Variants in MYO18B observed in about 807,000 individuals in gnomAD.
MYO18B encodes myosin XVIIIB.
MYO18B carries 204 observed loss-of-function variants against 273.0 expected under a neutral mutation model. The observed-to-expected ratio is 0.75, with a 90% CI of 0.67 to 0.84. The LOEUF is 0.84. Among genes scored for constraint, MYO18B ranks in the 40% least tolerant of loss-of-function variants. The probability of loss-of-function intolerance (pLI) is 0.00; values close to 1 mark genes in which losing one functional copy is unlikely to be tolerated. For missense variants in MYO18B, 3,212 were observed against 3,287.6 expected (o/e 0.98, Z 0.56); for synonymous variants, 1,330 against 1,305.7 (o/e 1.02, Z -0.40).
chr22:25,787,846 G>A (rs1342799260), intron 11 of MYO18B, among the ~76,000 whole-genome samples: 3 of 152,140 alleles, frequency 2.0e-5, no homozygotes, highest in Non-Finnish European at 4.4e-5. Context: ...TTGAAGGCAA[G>A]AGATGAGAAA....
rs542822754 is a variant in MYO18B at position 25,847,307 on chromosome 22, G to A, written c.3553-123G>A. ...ATCAGGCTGTAGGTGGGAGCTCCTT[G>A]GTGTGGGACATAGGGGCCCCAAAGA... On this transcript the variant is annotated intron_variant, in intron 19 of 43. Coordinates refer to ENST00000335473, the MANE Select transcript of MYO18B (RefSeq NM_032608.7). The A allele has an allele frequency of 4.6e-5, 32 of 700,304 alleles. No individual in the cohort carries two copies. The African/African-American group carries it at 5.0e-4, about 11-fold the overall frequency. 43.4% of individuals were successfully genotyped at this position (700,304 alleles called of 1,614,324 possible).
chr22:26,040,568 G>T, the MYO18B span, among the ~76,000 whole-genome samples: 1 of 152,236 alleles, frequency 6.6e-6, no homozygotes, highest in Non-Finnish European at 1.5e-5. Context: ...GAAGGGACTA[G>T]AAGGCATTGG....
At chr22:25,975,346 C>T (rs1054051951) in intron 39 of MYO18B, among the ~76,000 whole-genome samples, 5 of 152,210 alleles carry the variant, frequency 3.3e-5, no homozygotes, top group African/African-American at 1.2e-4. Context: ...GAGGTAGCTT[C>T]AACGTCTTTA....
At chr22:25,776,597 CAAAACAAAAAACA>C (rs937815727) in intron 7 of MYO18B, among the ~76,000 whole-genome samples, 1 of 151,450 alleles carries the variant, frequency 6.6e-6, no homozygotes, top group Admixed American at 6.6e-5. Flanking sequence ...AACTCTGTCT[CAAAACAAAAAACA>C]AAAACAAAAA....
chr22:25,950,512 A>G, intron 37 of MYO18B, 62 bp downstream of exon 37: 1 of 486,492 alleles, frequency 2.1e-6, no homozygotes, highest in Non-Finnish European at 3.4e-6. Flanking sequence ...GGACAGAACT[A>G]ATAGGATGTG....
chr22:25,960,428 C>G (rs1306610950), intron 39 of MYO18B, among the ~76,000 whole-genome samples: 4 of 152,150 alleles, frequency 2.6e-5, no homozygotes, highest in Non-Finnish European at 5.9e-5. Context: ...CCAGGTGCAC[C>G]TATTTCAGAG....
chr22:25,914,652 A>G lies in MYO18B; in HGVS notation c.5364+3602A>G, dbSNP rs550255658. Among the ~76,000 whole-genome samples, 17 of 117,532 alleles carry G rather than the reference A, an allele frequency of 1.4e-4. 1 individual carries two copies. The South Asian group carries it at 4.6e-3, about 32-fold the overall frequency. The allele number at this position is 117,532 out of a possible 152,430, so 77.1% of individuals were successfully genotyped here. A position where few individuals can be genotyped will look rare whatever the true frequency, so the allele number is the denominator to read the frequency against. Reference sequence around the variant, plus strand: ...CTTTTTTGTATTTTCTGCCTTGACAATCTTATCATTTGAAAATAAGAATAG... The same window carrying G: ...CTTTTTTGTATTTTCTGCCTTGACAGTCTTATCATTTGAAAATAAGAATAG... On this transcript the variant is annotated intron_variant, in intron 33 of 43. Transcript: ENST00000335473.
At chr22:25,803,111 G>A (rs1228613319) in intron 12 of MYO18B, among the ~76,000 whole-genome samples, 2 of 151,872 alleles carry the variant, frequency 1.3e-5, no homozygotes, top group Non-Finnish European at 2.9e-5. Context: ...ACAGGCATGT[G>A]CCACCACACC....
intron 39 of MYO18B, among the ~76,000 whole-genome samples, chr22:25,989,282 C>A (rs1345569609): frequency 2.6e-5 from 4 of 152,148 alleles, no homozygotes; most frequent in Non-Finnish European, 2.9e-5. Context: ...TCAGACAGGT[C>A]ATTTGGTTAG....
rs565221932 is a variant in MYO18B, at chr22:25,992,429, C to T, written c.6223C>T (p.Arg2075Trp). 5.2e-5 allele frequency: 84 copies of T among 1,614,006 alleles called. No homozygotes were observed. The highest frequency in any genetic ancestry group is 3.3e-4 in the Middle Eastern group (2 of 6,062). ...TLQTDLETSIRRIADLQAALE... is the reference protein window; with the variant it reads ...TLQTDLETSIWRIADLQAALE... The stretch of plus-strand genomic sequence containing the variant: ...CCAGACAGACCTGGAGACATCCATT[C>T]GGCGGATTGCCGACCTGCAGGCTGC... The change falls in exon 40 of 44, where the codon CGG (arginine) becomes TGG (tryptophan). Residue 2075 changes from arginine (R) to tryptophan (W), a missense_variant. Transcript: ENST00000335473.
At chr22:25,838,166 T>TATATAA (rs2089964050) in intron 17 of MYO18B, among the ~76,000 whole-genome samples, 1 of 150,740 alleles carries the variant, frequency 6.6e-6, no homozygotes, top group African/African-American at 2.4e-5. Context: ...CACAAATATA[T>TATATAA]ATATAAATAT....
intron 15 of MYO18B, among the ~76,000 whole-genome samples, chr22:25,831,626 G>A (rs962191016): frequency 3.9e-5 from 6 of 152,094 alleles, no homozygotes; most frequent in East Asian, 3.9e-4. Flanking sequence ...CAGGTGATCC[G>A]CCTGCCTCGG....
intron 2 of MYO18B, among the ~76,000 whole-genome samples, chr22:25,762,432 A>G (rs1295729557): frequency 6.6e-6 from 1 of 152,178 alleles, no homozygotes; most frequent in Non-Finnish European, 1.5e-5. Flanking sequence ...TTTTCTTCTC[A>G]TGGGCTGTCA....
At chr22:25,875,511 C>A (rs6004808) in intron 23 of MYO18B, among the ~76,000 whole-genome samples, 2 of 151,902 alleles carry the variant, frequency 1.3e-5, no homozygotes, top group African/African-American at 2.4e-5. Context: ...CTGGTCCCCC[C>A]CCCAGTGATA....
rs372329568 is a variant in MYO18B at position 25,990,253 on chromosome 22, T to C, written c.6157-2110T>C. Among the ~76,000 whole-genome samples, 29 of 152,250 alleles carry C rather than the reference T, an allele frequency of 1.9e-4. No individual in the cohort carries two copies. The South Asian group carries it at 4.0e-3, about 21-fold the overall frequency. The stretch of plus-strand genomic sequence containing the variant: ...CTGTAATGGTCCTCGCTGACTTCCA[T>C]TGGGGAATGCAGTCATAGCCCCAGA... On this transcript the variant is annotated intron_variant, in intron 39 of 43. Coordinates refer to ENST00000335473, the MANE Select transcript of MYO18B (RefSeq NM_032608.7).
At chr22:25,773,871 T>C (rs1400961362) in intron 7 of MYO18B, among the ~76,000 whole-genome samples, 1 of 152,124 alleles carries the variant, frequency 6.6e-6, no homozygotes, top group Non-Finnish European at 1.5e-5. Context: ...TGACTTAGGT[T>C]GTAAAAGGAT....
At position 25,889,117 on chromosome 22, in the gene MYO18B, A is replaced by C. The variant is rs146501891; in HGVS notation, c.4315-1639A>C. On this transcript the variant is annotated intron_variant, in intron 25 of 43. Coordinates refer to ENST00000335473, the MANE Select transcript of MYO18B (RefSeq NM_032608.7). ...GTGCAAACAAAAATGGGATTACACC[A>C]AACATTCTATTCTGGAAATTTGCCT... 2.2e-3 allele frequency among the ~76,000 whole-genome samples: 330 copies of C among 152,168 alleles called. 4 individuals carry two copies. Among genetic ancestry groups the C allele is most frequent in the Admixed American group, 0.019 (288 of 15,300 alleles).
rs2088373006 is a variant in MYO18B at position 25,804,476 on chromosome 22, A to G, written c.2521+6379A>G. ...CTCAGAGAGGTGGTGTGACGTGCGC[A>G]AGGGCACACAGCTGGGAAGTGATGG... is the stretch of plus-strand genomic sequence containing the variant. On this transcript the variant is annotated intron_variant, in intron 12 of 43. Coordinates refer to ENST00000335473, the MANE Select transcript of MYO18B (RefSeq NM_032608.7). 2.0e-5 allele frequency among the ~76,000 whole-genome samples: 3 copies of G among 152,244 alleles called. No individual in the cohort carries two copies. The South Asian group carries it at 6.2e-4, about 32-fold the overall frequency.
intron 1 of MYO18B, among the ~76,000 whole-genome samples, chr22:25,757,797 T>TATATATATA (rs2086172761): frequency 6.6e-6 from 1 of 152,110 alleles, no homozygotes; most frequent in Non-Finnish European, 1.5e-5. Context: ...GTATATTTCC[T>TATATATATA]CCCACTTGAT....
Sources: gnomAD v4.1 joint callset for allele counts (sites outside exome capture counted in the v4.1 genomes callset) on GRCh38, gnomAD v4.1.1 for gene constraint, MANE v1.5 for transcripts, NCBI Gene and HGNC (gene_info 2026-07-23, HGNC 2026-07-21) for gene names.